VAX2: variants seen among roughly 807,000 people sequenced by gnomAD.
VAX2 encodes ventral anterior homeobox 2.
VAX2 carries 8 observed loss-of-function variants against 12.5 expected under a neutral mutation model. The observed-to-expected ratio is 0.64, with a 90% confidence interval of 0.37 to 1.15. VAX2 has a LOEUF of 1.15. VAX2 is among the 50% of genes most tolerant of loss of function. The pLI, the probability that VAX2 is intolerant of heterozygous loss-of-function variation, is 0.01. For synonymous variants in VAX2, 183 were observed against 187.6 expected (o/e 0.98, Z 0.20); for missense variants, 476 against 412.9 (o/e 1.15, Z -1.32).
chr2:70,931,045 T>C (rs34467783), intron 2 of VAX2, among the ~76,000 whole-genome samples: 6,650 of 152,210 alleles, frequency 0.044, 192 homozygotes, highest in Admixed American at 0.079. Context: ...CTCCTTCTAG[T>C]GCCTACAAGT....
rs1316093230 is a variant in VAX2 at position 70,904,802 on chromosome 2, G to T, written c.247+3934G>T. Among the ~76,000 whole-genome samples the T allele has an allele frequency of 6.6e-6, 1 of 152,242 alleles. No individual in the cohort carries two copies. The highest frequency in any genetic ancestry group is 2.4e-5 in the African/African-American group (1 of 41,464). On this transcript the variant is annotated intron_variant, in intron 1 of 2. Coordinates refer to ENST00000234392, the MANE Select transcript of VAX2 (RefSeq NM_012476.3). The surrounding 1 kb of genome is among the most constrained non-coding windows in gnomAD (Gnocchi z 4.2). ...CTCTTGCTTGGGCTGGGCGATTCCC[G>T]CCGTGGGACGGGTGGGATTGACCTT...
chr2:70,900,718 G>T lies in VAX2; in HGVS notation c.97G>T (p.Asp33Tyr). The part of the protein sequence containing the change: ...GRCGDRSGAG[D>Y]LRADGGGHSP... ...CTGCGGAGACCGCAGCGGAGCGGGG[G>T]ACTTGCGAGCTGATGGCGGTGGCCA... The change falls in exon 1 of 3, where the codon GAC becomes TAC. Residue 33 changes from aspartate to tyrosine, a missense_variant. Transcript: ENST00000234392. 1 of 1,397,272 alleles carries T rather than the reference G, an allele frequency of 7.2e-7. No individual in the cohort carries two copies. Among genetic ancestry groups the T allele is most frequent in the Non-Finnish European group, 9.3e-7 (1 of 1,070,512 alleles). 86.6% of individuals were successfully genotyped at this position (1,397,272 alleles called of 1,614,324 possible).
At chr2:70,920,416 C>A (rs535096812) in intron 1 of VAX2, among the ~76,000 whole-genome samples, 14 of 152,104 alleles carry the variant, frequency 9.2e-5, no homozygotes, top group Non-Finnish European at 1.9e-4. Flanking sequence ...TTGGTCAGAG[C>A]CCAGGAGTGG....
In VAX2 at chr2:70,933,029, C is replaced by T; in HGVS notation, c.698C>T (p.Ser233Phe). Residue 233 changes from serine (S) to phenylalanine (F), a missense_variant, in exon 3 of 3, where the codon TCC becomes TTC. Coordinates refer to ENST00000234392, the MANE Select transcript of VAX2 (RefSeq NM_012476.3). ...TCCTCCCCACGCCTCAACCCGCTGT[C>T]CTCGGCCTCAGCGTCCCCCCCACTG... The part of the protein sequence containing the change: ...RNSSPRLNPL[S>F]SASASPPLPP... 4 of 1,599,434 alleles carry T rather than the reference C, an allele frequency of 2.5e-6. No homozygotes were observed. The highest frequency in any genetic ancestry group is 3.4e-6 in the Non-Finnish European group (4 of 1,172,546).
intron 1 of VAX2, among the ~76,000 whole-genome samples, chr2:70,917,762 T>G (rs1679341911): frequency 1.3e-5 from 2 of 151,572 alleles, no homozygotes; most frequent in East Asian, 3.9e-4. Flanking sequence ...CCCTTTTAGG[T>G]CTTGTATAAA....
intron 2 of VAX2, among the ~76,000 whole-genome samples, chr2:70,931,087 T>G (rs564823187): frequency 2.6e-5 from 4 of 152,222 alleles, no homozygotes; most frequent in Non-Finnish European, 1.5e-5. Flanking sequence ...AACTTGCATC[T>G]GCAGGGCAGC....
chr2:70,918,442 G>A lies in VAX2; in HGVS notation c.248-2656G>A, dbSNP rs560549374. ...AGGGATTCTCAAGGTAGGTCCCACCGTCCCTGTGGATCACAAGGAGCCTCC... is the reference window on the plus strand; with the variant it reads ...AGGGATTCTCAAGGTAGGTCCCACCATCCCTGTGGATCACAAGGAGCCTCC... On this transcript the variant is annotated intron_variant, in intron 1 of 2. Transcript: ENST00000234392. Among the ~76,000 whole-genome samples, 13 of 152,304 alleles carry A rather than the reference G, an allele frequency of 8.5e-5. 1 individual carries two copies. The highest frequency in any genetic ancestry group is 2.0e-4 in the Admixed American group (3 of 15,306).
intron 1 of VAX2, among the ~76,000 whole-genome samples, chr2:70,910,470 G>A (rs1281161601): frequency 6.6e-6 from 1 of 151,944 alleles, no homozygotes; most frequent in Non-Finnish European, 1.5e-5. Flanking sequence ...TATACTCTTA[G>A]CCATCTTGTA....
intron 1 of VAX2, 83 bp from the exon 2 acceptor site, chr2:70,921,015 A>G (rs1679444844): frequency 7.0e-7 from 1 of 1,420,376 alleles, no homozygotes. Context: ...GCGATAGATC[A>G]CACCACCTTT....
At chr2:70,910,850 A>ATT (rs35939377) in intron 1 of VAX2, among the ~76,000 whole-genome samples, 3 of 145,464 alleles carry the variant, frequency 2.1e-5, no homozygotes, top group Admixed American at 1.4e-4. Context: ...TCTTTGTGGG[A>ATT]TTTTTTTTTT....
Position 70,933,207 on chromosome 2 carries a change from C to A in VAX2, c.*3C>A. ...GCTGCAAGAAAGCTAACACTTAAGACTCCCACCCTGTGACACTGAGTCCCG... is the reference window on the plus strand; with the variant it reads ...GCTGCAAGAAAGCTAACACTTAAGAATCCCACCCTGTGACACTGAGTCCCG... On this transcript the variant is annotated 3_prime_UTR_variant, in exon 3 of 3. Transcript: ENST00000234392. 6.6e-7 allele frequency: 1 copy of A among 1,511,810 alleles called. No individual in the cohort carries two copies. The highest frequency in any genetic ancestry group is 8.8e-7 in the Non-Finnish European group (1 of 1,130,028). The allele number at this position is 1,511,810 out of a possible 1,614,324, so 93.6% of individuals were successfully genotyped here.
At chr2:70,925,440 G>A (rs1257596812) in intron 2 of VAX2, among the ~76,000 whole-genome samples, 2 of 152,180 alleles carry the variant, frequency 1.3e-5, no homozygotes, top group Admixed American at 1.3e-4. Context: ...GAACAACTGG[G>A]AGAATGGTGA....
chr2:70,901,251 G>A (rs371218544), intron 1 of VAX2, among the ~76,000 whole-genome samples: 5 of 152,358 alleles, frequency 3.3e-5, no homozygotes, highest in African/African-American at 1.2e-4. Flanking sequence ...GACAGGACGT[G>A]GAGGGAGCAG....
chr2:70,929,719 C>T (rs949641182), intron 2 of VAX2, among the ~76,000 whole-genome samples: 6 of 151,572 alleles, frequency 4.0e-5, no homozygotes, highest in Admixed American at 1.3e-4. Flanking sequence ...AGCAATCTTT[C>T]CAGTAATTCA....
chr2:70,903,448 A>T (rs1553410051), intron 1 of VAX2, among the ~76,000 whole-genome samples: 1 of 152,116 alleles, frequency 6.6e-6, no homozygotes, highest in Non-Finnish European at 1.5e-5. Flanking sequence ...AGGTTTGTTG[A>T]GGGAGTCCTT....
At chr2:70,902,335 C>T (rs905440875) in intron 1 of VAX2, among the ~76,000 whole-genome samples, 13 of 152,192 alleles carry the variant, frequency 8.5e-5, no homozygotes, top group African/African-American at 3.1e-4. Context: ...TAGTTGACTG[C>T]TTGAGTCAAG....
chr2:70,900,637 G>A lies in VAX2; in HGVS notation c.16G>A (p.Ala6Thr), dbSNP rs1335227812. Residue 6 changes from alanine to threonine, a missense_variant, in exon 1 of 3, where the codon GCC becomes ACC. Physicochemically the swap from Ala to Thr is moderately conservative, Grantham distance 58. Coordinates refer to ENST00000234392, the MANE Select transcript of VAX2 (RefSeq NM_012476.3). MGDGG[A>T]ERDRGPARRA... ...GGCGGTCAGCATGGGCGATGGGGGC[G>A]CCGAGCGCGACCGGGGCCCCGCGCG... The A allele has an allele frequency of 4.7e-6, 6 of 1,270,590 alleles. No individual in the cohort carries two copies. Among genetic ancestry groups the A allele is most frequent in the Middle Eastern group, 3.0e-4 (1 of 3,328 alleles). The allele number at this position is 1,270,590 out of a possible 1,614,324, so 78.7% of individuals were successfully genotyped here. A position where few individuals can be genotyped will look rare whatever the true frequency, so the allele number is the denominator to read the frequency against.
At chr2:70,919,781 G>A (rs540788208) in intron 1 of VAX2, among the ~76,000 whole-genome samples, 17 of 152,336 alleles carry the variant, frequency 1.1e-4, no homozygotes, top group African/African-American at 3.8e-4. Context: ...GAACCCTAGA[G>A]GTCGAGACTG....
In VAX2 at chr2:70,924,756, C is replaced by T. The variant is rs181145818; in HGVS notation, c.435+3471C>T. On this transcript the variant is annotated intron_variant, in intron 2 of 2. Transcript: ENST00000234392. ...ATATTATTGAATACCTACTATATAG[C>T]AGGTACTCTTCTAGGCACTTGGGCT... 1.2e-4 allele frequency among the ~76,000 whole-genome samples: 18 copies of T among 152,272 alleles called. No individual in the cohort carries two copies. In the East Asian group the frequency reaches 3.3e-3, roughly 28 times the overall value.
Sources: allele counts gnomAD v4.1 joint callset (sites outside exome capture counted in the v4.1 genomes callset), GRCh38; gene constraint gnomAD v4.1.1; non-coding constraint Gnocchi (gnomAD v3.1); transcripts MANE v1.5; gene names NCBI Gene and HGNC (gene_info 2026-07-23, HGNC 2026-07-21).